ZNF385D: variants seen among roughly 807,000 people sequenced by gnomAD.
ZNF385D encodes zinc finger protein 385D.
A neutral mutation model predicts 35.8 loss-of-function variants in ZNF385D; 15 were observed. The observed-to-expected ratio is 0.42, with a 90% confidence interval of 0.28 to 0.64. The LOEUF is 0.64. Ranked by LOEUF, ZNF385D falls within the 30% of genes least tolerant of loss-of-function variation. The pLI is 0.23. For synonymous variants in ZNF385D, 212 were observed against 186.8 expected (o/e 1.13, Z -1.10); for missense variants, 474 against 494.6 (o/e 0.96, Z 0.39).
intron 3 of ZNF385D, among the ~76,000 whole-genome samples, chr3:21,791,271 G>A (rs1372483507): frequency 2.0e-5 from 3 of 152,200 alleles, no homozygotes; most frequent in Non-Finnish European, 4.4e-5. Context: ...CTGTTTTGAT[G>A]TGGGGCCATT....
chr3:22,293,046 T>C (rs1406897587), intron 2 of ZNF385D, among the ~76,000 whole-genome samples: 3 of 152,150 alleles, frequency 2.0e-5, no homozygotes, highest in Non-Finnish European at 4.4e-5. Flanking sequence ...TGTAAGTTAG[T>C]AGTATCCAGA....
chr3:21,991,473 C>G (rs1345622374), intron 3 of ZNF385D, among the ~76,000 whole-genome samples: 1 of 152,152 alleles, frequency 6.6e-6, no homozygotes, highest in East Asian at 1.9e-4. Context: ...TTTGATAAAA[C>G]TGTGGTAATT....
chr3:21,613,322 CAAAG>C (rs1418107045), intron 2 of ZNF385D, among the ~76,000 whole-genome samples: 4 of 141,586 alleles, frequency 2.8e-5, no homozygotes, highest in African/African-American at 5.2e-5. Flanking sequence ...AGAAGATAGA[CAAAG>C]AAAGAAGTCA....
At chr3:21,978,610 T>A (rs1271232366) in intron 3 of ZNF385D, among the ~76,000 whole-genome samples, 1 of 152,206 alleles carries the variant, frequency 6.6e-6, no homozygotes, top group Non-Finnish European at 1.5e-5. Context: ...AGGCCTGATA[T>A]TAGTAAAAAT....
chr3:22,107,025 A>G lies in ZNF385D; in HGVS notation c.325+61792T>C, dbSNP rs918110209. 1.8e-3 allele frequency among the ~76,000 whole-genome samples: 83 copies of G among 46,324 alleles called. 2 individuals are homozygous for G. Among genetic ancestry groups the G allele is most frequent in the African/African-American group, 5.9e-3 (81 of 13,754 alleles). The allele number at this position is 46,324 out of a possible 152,430, so 30.4% of individuals were successfully genotyped here. ...ATTTATGCAAAAACTTTGGAATGAG[A>G]GTTTTTTTTTTTTTTTTAGACAGAG... On this transcript the variant is annotated intron_variant, in intron 3 of 5. Coordinates refer to the ZNF385D transcript ENST00000494108.
intron 2 of ZNF385D, among the ~76,000 whole-genome samples, chr3:22,335,368 G>A (rs1695117146): frequency 6.6e-6 from 1 of 152,174 alleles, no homozygotes; most frequent in South Asian, 2.1e-4. Flanking sequence ...CCTTGCTCAT[G>A]TGAGTGACTG....
intron 3 of ZNF385D, among the ~76,000 whole-genome samples, chr3:22,089,474 G>A (rs896199848): frequency 6.6e-6 from 1 of 152,172 alleles, no homozygotes; most frequent in African/African-American, 2.4e-5. Flanking sequence ...GGCTCCTGCG[G>A]TACACGCAAT....
rs530369360 is a variant in ZNF385D at position 22,241,699 on chromosome 3, T to C, written c.107-72664A>G. ...TTTCCTGGAGAGGAGGCAAGAATGCTTGAATGCTTCCATATTGTTTTAACT... is the reference window on the plus strand; with the variant it reads ...TTTCCTGGAGAGGAGGCAAGAATGCCTGAATGCTTCCATATTGTTTTAACT... On this transcript the variant is annotated intron_variant, in intron 2 of 5. Transcript: ENST00000494108. 5.0e-4 allele frequency among the ~76,000 whole-genome samples: 76 copies of C among 151,076 alleles called. 5 individuals are homozygous for C. Among genetic ancestry groups the C allele is most frequent in the African/African-American group, 1.8e-3 (73 of 40,932 alleles).
At chr3:21,834,927 G>T (rs1453233529) in intron 3 of ZNF385D, among the ~76,000 whole-genome samples, 1 of 152,096 alleles carries the variant, frequency 6.6e-6, no homozygotes, top group East Asian at 1.9e-4. Flanking sequence ...AGCTTTCCCA[G>T]TCATGTAGAA....
At chr3:22,210,001 T>G (rs1697414712) in intron 2 of ZNF385D, among the ~76,000 whole-genome samples, 1 of 151,800 alleles carries the variant, frequency 6.6e-6, no homozygotes, top group African/African-American at 2.4e-5. Flanking sequence ...TTATATTTAA[T>G]TAATAGTATT....
intron 3 of ZNF385D, among the ~76,000 whole-genome samples, chr3:21,800,008 AT>A (rs1314448123): frequency 6.6e-6 from 1 of 152,154 alleles, no homozygotes; most frequent in African/African-American, 2.4e-5. Context: ...TGAAAAGACC[AT>A]TATTTCCAAA....
chr3:21,703,833 G>A (rs529271256), intron 1 of ZNF385D, among the ~76,000 whole-genome samples: 2 of 151,892 alleles, frequency 1.3e-5, no homozygotes, highest in Non-Finnish European at 1.5e-5. Flanking sequence ...CACTTACCTA[G>A]CAATAGCTGC....
intron 3 of ZNF385D, among the ~76,000 whole-genome samples, chr3:21,966,185 A>G (rs764173167): frequency 2.6e-5 from 4 of 152,186 alleles, no homozygotes; most frequent in South Asian, 2.1e-4. Flanking sequence ...TGATGAAACC[A>G]ATAATTTATA....
chr3:21,433,428 C>A (rs1701397579), intron 5 of ZNF385D, among the ~76,000 whole-genome samples: 1 of 152,198 alleles, frequency 6.6e-6, no homozygotes, highest in Admixed American at 6.5e-5. Context: ...CATTTCCCCA[C>A]CCTGCAGCCT....
chr3:22,178,395 G>A (rs1694980928), intron 2 of ZNF385D, among the ~76,000 whole-genome samples: 1 of 152,220 alleles, frequency 6.6e-6, no homozygotes, highest in Non-Finnish European at 1.5e-5. Flanking sequence ...TTTGAGAAGT[G>A]TCTGTGCATA....
At chr3:22,093,547 A>G (rs113979005) in intron 3 of ZNF385D, among the ~76,000 whole-genome samples, 2,419 of 152,194 alleles carry the variant, frequency 0.016, 25 homozygotes, top group Middle Eastern at 0.048. Context: ...AAACTACTAG[A>G]GGTTCGAGGA....
chr3:21,991,768 T>C (rs570422412), intron 3 of ZNF385D, among the ~76,000 whole-genome samples: 72 of 152,324 alleles, frequency 4.7e-4, no homozygotes, highest in Non-Finnish European at 9.6e-4. Context: ...CTCTTCACTG[T>C]TGGGTCAGTC....
chr3:22,176,792 A>G (rs1310299024), intron 2 of ZNF385D, among the ~76,000 whole-genome samples: 1 of 152,304 alleles, frequency 6.6e-6, no homozygotes, highest in East Asian at 1.9e-4. Flanking sequence ...GAAAGCACTA[A>G]AATATTTTTG....
chr3:22,306,921 TC>T (rs1214142123), intron 2 of ZNF385D, among the ~76,000 whole-genome samples: 3 of 152,244 alleles, frequency 2.0e-5, no homozygotes, highest in East Asian at 1.9e-4. Flanking sequence ...TAAAACACAG[TC>T]CCAGAAATAA....
Sources: allele counts gnomAD v4.1 joint callset (sites outside exome capture counted in the v4.1 genomes callset), GRCh38; gene constraint gnomAD v4.1.1; transcripts MANE v1.5; gene names NCBI Gene and HGNC (gene_info 2026-07-23, HGNC 2026-07-21).